Variants in CDH12 observed in about 807,000 individuals in gnomAD.
CDH12 encodes the protein cadherin 12.
CDH12 carries 41 observed loss-of-function variants against 74.1 expected under a neutral mutation model. The ratio of observed to expected loss-of-function variants is 0.55; its 90% confidence interval spans 0.43 to 0.72. The LOEUF (loss-of-function observed/expected upper bound fraction) is 0.72, where lower values mean the gene tolerates loss of function less well. Among genes scored for constraint, CDH12 ranks in the 30% least tolerant of loss-of-function variants. The pLI is 0.00. For synonymous variants in CDH12, 399 were observed against 355.0 expected (o/e 1.12, Z -1.39); for missense variants, 945 against 977.2 (o/e 0.97, Z 0.44).
intron 6 of CDH12, among the ~76,000 whole-genome samples, chr5:21,921,443 A>T (rs1754348147): frequency 6.6e-6 from 1 of 152,130 alleles, no homozygotes; most frequent in African/African-American, 2.4e-5. Flanking sequence ...TCCTTTTAAA[A>T]CAATTTTTTT....
chr5:22,331,155 A>G (rs1580531350), intron 3 of CDH12, among the ~76,000 whole-genome samples: 1 of 152,282 alleles, frequency 6.6e-6, no homozygotes, highest in South Asian at 2.1e-4. Flanking sequence ...TATCAGATAA[A>G]TTGCTAAGTT....
chr5:22,664,710 G>T (rs1206078589), intron 1 of CDH12, among the ~76,000 whole-genome samples: 1 of 152,054 alleles, frequency 6.6e-6, no homozygotes, highest in East Asian at 1.9e-4. Flanking sequence ...ACTACGTAAG[G>T]TTGTTATACC....
At chr5:21,772,754 C>T (rs1264333286) in intron 11 of CDH12, among the ~76,000 whole-genome samples, 2 of 152,132 alleles carry the variant, frequency 1.3e-5, no homozygotes, top group African/African-American at 4.8e-5. Flanking sequence ...TTCTCTCTTG[C>T]ATGTGATATT....
At chr5:22,281,241 A>G (rs112091513) in intron 3 of CDH12, among the ~76,000 whole-genome samples, 132 of 152,292 alleles carry the variant, frequency 8.7e-4, no homozygotes, top group African/African-American at 3.1e-3. Context: ...AATAAGAGCT[A>G]TTTATGACAA....
chr5:21,871,154 G>C (rs1751597509), intron 6 of CDH12, among the ~76,000 whole-genome samples: 1 of 152,038 alleles, frequency 6.6e-6, no homozygotes. Context: ...GGAATAGTGA[G>C]GGCTAAGAAT....
chr5:22,766,944 A>G (rs1746545009), intron 1 of CDH12, among the ~76,000 whole-genome samples: 1 of 152,218 alleles, frequency 6.6e-6, no homozygotes, highest in Middle Eastern at 3.4e-3. Flanking sequence ...CAATGGATAC[A>G]GAGGAGTGAC....
intron 1 of CDH12, among the ~76,000 whole-genome samples, chr5:22,687,601 G>A (rs1268621786): frequency 6.6e-6 from 1 of 152,000 alleles, no homozygotes; most frequent in Non-Finnish European, 1.5e-5. Context: ...TTTTTGTAGC[G>A]ATGGGGATTT....
At chr5:22,226,201 C>T (rs986768530) in intron 3 of CDH12, among the ~76,000 whole-genome samples, 10 of 151,824 alleles carry the variant, frequency 6.6e-5, no homozygotes, top group Middle Eastern at 3.4e-3. Flanking sequence ...ATCCTGTCTG[C>T]GTTTGTGGGA....
intron 2 of CDH12, among the ~76,000 whole-genome samples, chr5:22,488,602 C>T (rs1409837027): frequency 6.6e-6 from 1 of 152,150 alleles, no homozygotes; most frequent in Admixed American, 6.5e-5. Flanking sequence ...GGCCATACCT[C>T]TACTCATCTT....
At chr5:22,288,919 C>T (rs1268631933) in intron 3 of CDH12, among the ~76,000 whole-genome samples, 1 of 152,046 alleles carries the variant, frequency 6.6e-6, no homozygotes, top group Non-Finnish European at 1.5e-5. Flanking sequence ...AAAATGAAAA[C>T]TGTATTCTTA....
chr5:22,080,293 T>C (rs1029722664), intron 4 of CDH12, among the ~76,000 whole-genome samples: 3 of 152,174 alleles, frequency 2.0e-5, no homozygotes, highest in Admixed American at 2.0e-4. Context: ...GAGTTCTTTA[T>C]AAATATTGAA....
At chr5:22,790,514 G>A (rs1423192581) in intron 1 of CDH12, among the ~76,000 whole-genome samples, 2 of 151,932 alleles carry the variant, frequency 1.3e-5, no homozygotes, top group East Asian at 3.9e-4. Context: ...CATCTTATCC[G>A]TTGGCTTCAT....
chr5:22,750,666 A>C (rs1309799026), intron 1 of CDH12, among the ~76,000 whole-genome samples: 1 of 152,204 alleles, frequency 6.6e-6, no homozygotes, highest in East Asian at 1.9e-4. Flanking sequence ...GGAAAACTAC[A>C]GTGTTTAGTT....
At chr5:22,474,219 G>A (rs1425143586) in intron 2 of CDH12, among the ~76,000 whole-genome samples, 3 of 152,124 alleles carry the variant, frequency 2.0e-5, no homozygotes, top group African/African-American at 7.2e-5. Context: ...AGTGGCTGCA[G>A]GTTAGTTACA....
At chr5:22,850,998 A>C (rs1472763932) in intron 1 of CDH12, among the ~76,000 whole-genome samples, 2 of 152,120 alleles carry the variant, frequency 1.3e-5, no homozygotes, top group African/African-American at 4.8e-5. Flanking sequence ...GCTCTGCCAA[A>C]ATATCAGGTT....
chr5:22,244,793 A>AAAGAAAG (rs1191411036), intron 3 of CDH12, among the ~76,000 whole-genome samples: 1 of 68,504 alleles, frequency 1.5e-5, no homozygotes, highest in African/African-American at 3.7e-5. Flanking sequence ...AGAAAGAAAG[A>AAAGAAAG]AAGAAAGAAA....
At chr5:22,407,262 G>A (rs1742979192) in intron 2 of CDH12, among the ~76,000 whole-genome samples, 1 of 152,002 alleles carries the variant, frequency 6.6e-6, no homozygotes, top group Non-Finnish European at 1.5e-5. Flanking sequence ...ATATTTTAAT[G>A]AGAGGCACTA....
intron 6 of CDH12, among the ~76,000 whole-genome samples, chr5:21,877,110 C>T (rs917971483): frequency 5.9e-5 from 9 of 151,670 alleles, no homozygotes; most frequent in Middle Eastern, 3.2e-3. Context: ...GACTGAGGGA[C>T]GAGAATTGCT....
chr5:22,315,926 C>T (rs1738615000), intron 3 of CDH12, among the ~76,000 whole-genome samples: 1 of 151,862 alleles, frequency 6.6e-6, no homozygotes, highest in Admixed American at 6.6e-5. Context: ...TTGCAGACTG[C>T]TAATACCTGT....
Sources: allele counts gnomAD v4.1 joint callset (sites outside exome capture counted in the v4.1 genomes callset), GRCh38; gene constraint gnomAD v4.1.1; transcripts MANE v1.5; gene names NCBI Gene and HGNC (gene_info 2026-07-23, HGNC 2026-07-21).